CDH13: variants seen among roughly 807,000 people sequenced by gnomAD.
CDH13 encodes cadherin 13.
In CDH13, 24 loss-of-function variants were observed where a neutral mutation model predicts 63.8. That is an observed-to-expected ratio of 0.38 (90% CI 0.27 to 0.53). The LOEUF (loss-of-function observed/expected upper bound fraction) is 0.53, where lower values mean the gene tolerates loss of function less well. Ranked by LOEUF, CDH13 falls within the 20% of genes least tolerant of loss-of-function variation. The pLI, the probability that CDH13 is intolerant of heterozygous loss-of-function variation, is 0.85. For synonymous variants in CDH13, 503 were observed against 355.3 expected, an observed-to-expected ratio of 1.42 and a Z score of -4.67; for missense variants, 1,049 against 903.1, an observed-to-expected ratio of 1.16 and a Z score of -2.07.
intron 1 of CDH13, among the ~76,000 whole-genome samples, chr16:82,750,554 C>T (rs1369076868): frequency 2.0e-5 from 3 of 152,190 alleles, no homozygotes; most frequent in East Asian, 1.9e-4. Flanking sequence ...GAAGAAGGTT[C>T]CAAGGACTTT....
At chr16:83,323,194 C>A (rs1018543757) in intron 5 of CDH13, among the ~76,000 whole-genome samples, 3 of 141,384 alleles carry the variant, frequency 2.1e-5, no homozygotes, top group Non-Finnish European at 4.6e-5. Context: ...TTCTTTCTTT[C>A]TTTCTTTCTT....
At chr16:83,571,535 C>A (rs1394396674) in intron 7 of CDH13, among the ~76,000 whole-genome samples, 4 of 152,062 alleles carry the variant, frequency 2.6e-5, no homozygotes, top group Admixed American at 2.0e-4. Context: ...AGATAACAGG[C>A]CCCGAGTTTG....
chr16:83,290,861 C>G (rs968161313), intron 5 of CDH13, among the ~76,000 whole-genome samples: 1 of 152,094 alleles, frequency 6.6e-6, no homozygotes, highest in African/African-American at 2.4e-5. Context: ...TGACTGTTCT[C>G]TCTGCCTACT....
chr16:83,459,926 G>C (rs923709742), intron 6 of CDH13, among the ~76,000 whole-genome samples: 2 of 152,160 alleles, frequency 1.3e-5, no homozygotes, highest in Non-Finnish European at 2.9e-5. Context: ...ATATGCAACA[G>C]GTTCTTCCAT....
intron 8 of CDH13, 60 bp downstream of exon 8, chr16:83,602,654 T>C: frequency 6.4e-7 from 1 of 1,564,544 alleles, no homozygotes; most frequent in Non-Finnish European, 8.8e-7. Flanking sequence ...TACTGATTGA[T>C]GTTAATTCAC....
chr16:83,213,122 A>T (rs1440538684), intron 4 of CDH13, among the ~76,000 whole-genome samples: 2 of 152,164 alleles, frequency 1.3e-5, no homozygotes, highest in African/African-American at 4.8e-5. Flanking sequence ...GTGCAGTGCT[A>T]AGCTGGGGCC....
At chr16:83,235,752 A>G (rs181520991) in intron 5 of CDH13, among the ~76,000 whole-genome samples, 11 of 152,318 alleles carry the variant, frequency 7.2e-5, no homozygotes, top group Admixed American at 7.2e-4. Context: ...CACAATTTTC[A>G]ACTATACGGC....
intron 1 of CDH13, among the ~76,000 whole-genome samples, chr16:82,660,620 G>A: frequency 6.6e-6 from 1 of 152,244 alleles, no homozygotes; most frequent in Non-Finnish European, 1.5e-5. Flanking sequence ...GCTTCCAGAA[G>A]GTTGAGTTAT....
chr16:82,786,644 A>G (rs1015684796), intron 1 of CDH13, among the ~76,000 whole-genome samples: 6 of 139,206 alleles, frequency 4.3e-5, no homozygotes, highest in African/African-American at 1.6e-4. Context: ...TCCTAATGCT[A>G]TCCCTCCCCC....
At chr16:83,734,860 A>G (rs551417616) in intron 10 of CDH13, among the ~76,000 whole-genome samples, 3 of 152,074 alleles carry the variant, frequency 2.0e-5, no homozygotes, top group South Asian at 4.1e-4. Context: ...CATTATCCAG[A>G]GGCAGTGGTC....
At chr16:83,477,719 C>A (rs1349161526) in intron 6 of CDH13, among the ~76,000 whole-genome samples, 8 of 152,070 alleles carry the variant, frequency 5.3e-5, no homozygotes, top group African/African-American at 1.9e-4. Flanking sequence ...TAATTCGTGC[C>A]TTTGGGGGAA....
intron 5 of CDH13, among the ~76,000 whole-genome samples, chr16:83,228,880 G>A (rs752785475): frequency 3.3e-5 from 5 of 152,200 alleles, no homozygotes; most frequent in Non-Finnish European, 5.9e-5. Context: ...GACATGCAGG[G>A]GATGAATGGG....
intron 1 of CDH13, among the ~76,000 whole-genome samples, chr16:82,706,662 G>A (rs1348303702): frequency 6.6e-6 from 1 of 151,830 alleles, no homozygotes; most frequent in Non-Finnish European, 1.5e-5. Flanking sequence ...ACATTAGCCA[G>A]GTGTGGTGGT....
intron 4 of CDH13, among the ~76,000 whole-genome samples, chr16:83,184,179 G>A (rs1163075617): frequency 2.0e-5 from 3 of 149,260 alleles, no homozygotes; most frequent in Admixed American, 6.7e-5. Flanking sequence ...ATGAATAGCT[G>A]TTTCCAAATC....
chr16:82,822,892 G>A (rs911354878), intron 1 of CDH13, among the ~76,000 whole-genome samples: 7 of 152,204 alleles, frequency 4.6e-5, no homozygotes, highest in Non-Finnish European at 8.8e-5. Flanking sequence ...CCGCTAGGTG[G>A]ATCTCAGGGT....
chr16:82,996,363 A>G lies in CDH13; in HGVS notation c.158-35647A>G, dbSNP rs533014109. Among the ~76,000 whole-genome samples the G allele has an allele frequency of 9.3e-4, 142 of 152,192 alleles. 1 individual carries two copies. The highest frequency in any genetic ancestry group is 1.7e-3 in the Non-Finnish European group (117 of 68,042). The stretch of plus-strand genomic sequence containing the variant: ...ACAACACTGAGCTTTATGACTACAG[A>G]AATGTCAGCTCTGAGCACAGTGCAT... On this transcript the variant is annotated intron_variant, in intron 2 of 13. Transcript: ENST00000567109.
At chr16:83,548,544 C>A (rs2075431607) in intron 7 of CDH13, among the ~76,000 whole-genome samples, 1 of 152,138 alleles carries the variant, frequency 6.6e-6, no homozygotes, top group Admixed American at 6.5e-5. Context: ...TCTTGTCTTG[C>A]TAACAAGGTG....
At chr16:83,192,494 T>C (rs899373956) in intron 4 of CDH13, among the ~76,000 whole-genome samples, 2 of 152,192 alleles carry the variant, frequency 1.3e-5, no homozygotes, top group Non-Finnish European at 2.9e-5. Flanking sequence ...TTTTTGTGAT[T>C]CCCAGCTCTC....
At chr16:82,891,047 T>C (rs531967280) in intron 2 of CDH13, among the ~76,000 whole-genome samples, 1 of 64,820 alleles carries the variant, frequency 1.5e-5, no homozygotes, top group Non-Finnish European at 3.0e-5. Context: ...GTTTTTTTTT[T>C]TTTTTTTAAG....
Sources: allele counts gnomAD v4.1 joint callset (sites outside exome capture counted in the v4.1 genomes callset), GRCh38; gene constraint gnomAD v4.1.1; transcripts MANE v1.5; gene names NCBI Gene and HGNC (gene_info 2026-07-23, HGNC 2026-07-21).